The following SCAPER variants were observed in gnomAD, a reference collection of about 807,000 sequenced individuals.
SCAPER encodes the protein S-phase cyclin A associated protein in the ER, also known as S phase cyclin A-associated protein in the endoplasmic reticulum.
SCAPER carries 98 observed loss-of-function variants against 182.2 expected under a neutral mutation model. The ratio of observed to expected loss-of-function variants is 0.54; its 90% CI spans 0.46 to 0.64. SCAPER has a LOEUF of 0.64. Among genes scored for constraint, SCAPER ranks in the 30% least tolerant of loss-of-function variants. SCAPER has a pLI of 0.00. For synonymous variants in SCAPER, 605 were observed against 564.6 expected (o/e 1.07, Z -1.01); for missense variants, 1,432 against 1,690.0 (o/e 0.85, Z 2.68).
chr15:76,535,564 T>C (rs1171838599), intron 23 of SCAPER, among the ~76,000 whole-genome samples: 1 of 145,888 alleles, frequency 6.9e-6, no homozygotes, highest in Non-Finnish European at 1.5e-5. Flanking sequence ...CTAATTTTAA[T>C]CTTTTCTGTA....
intron 24 of SCAPER, among the ~76,000 whole-genome samples, chr15:76,477,929 T>C (rs1280187584): frequency 6.6e-6 from 1 of 152,002 alleles, no homozygotes; most frequent in East Asian, 1.9e-4. Flanking sequence ...AGTTTATTGC[T>C]ATCTTAATTT....
At chr15:76,799,475 C>T (rs1451888822) in intron 7 of SCAPER, among the ~76,000 whole-genome samples, 1 of 151,154 alleles carries the variant, frequency 6.6e-6, no homozygotes, top group Non-Finnish European at 1.5e-5. Context: ...TTTTGCCAGG[C>T]TGGTCTCAAA....
At chr15:76,469,342 A>G (rs1375781898) in intron 25 of SCAPER, among the ~76,000 whole-genome samples, 1 of 152,200 alleles carries the variant, frequency 6.6e-6, no homozygotes, top group Non-Finnish European at 1.5e-5. Flanking sequence ...GTAAACAAAT[A>G]TGTTGCAAAA....
chr15:76,561,792 C>G (rs896853081), intron 23 of SCAPER, among the ~76,000 whole-genome samples: 4 of 150,830 alleles, frequency 2.7e-5, no homozygotes, highest in Non-Finnish European at 5.9e-5. Flanking sequence ...TCACTGAAAC[C>G]TTTGCTTCCC....
intron 8 of SCAPER, among the ~76,000 whole-genome samples, chr15:76,775,537 G>C (rs1038229800): frequency 1.3e-5 from 2 of 152,084 alleles, no homozygotes; most frequent in South Asian, 2.1e-4. Context: ...ATCACGCACA[G>C]AGTAAAGGTA....
intron 5 of SCAPER, among the ~76,000 whole-genome samples, chr15:76,815,108 T>C (rs2066958922): frequency 6.6e-6 from 1 of 152,084 alleles, no homozygotes; most frequent in South Asian, 2.1e-4. Flanking sequence ...AGATAAGAGA[T>C]AATAACAACT....
At chr15:76,714,507 T>C (rs952028972) in intron 17 of SCAPER, among the ~76,000 whole-genome samples, 4 of 150,454 alleles carry the variant, frequency 2.7e-5, no homozygotes, top group Non-Finnish European at 5.9e-5. Flanking sequence ...GTGTAAAAAA[T>C]GTGATTACCA....
chr15:76,759,038 C>A (rs1282118979), intron 14 of SCAPER, among the ~76,000 whole-genome samples: 3 of 152,086 alleles, frequency 2.0e-5, no homozygotes, highest in Admixed American at 2.0e-4. Flanking sequence ...GATAATTTTA[C>A]TTCTTTCCCT....
intron 20 of SCAPER, among the ~76,000 whole-genome samples, chr15:76,697,003 T>C (rs2585730): frequency 0.14 from 21,155 of 152,116 alleles, 1,555 homozygotes; most frequent in African/African-American, 0.19. Context: ...AAACAAAATG[T>C]GTCAAAGATC....
chr15:76,737,156 G>A (rs1293607531), intron 15 of SCAPER, among the ~76,000 whole-genome samples: 2 of 152,112 alleles, frequency 1.3e-5, no homozygotes, highest in Non-Finnish European at 2.9e-5. Flanking sequence ...AATTTCCTTT[G>A]CCCAGATCCA....
At chr15:76,876,558 A>G (rs2073177696) in intron 2 of SCAPER, among the ~76,000 whole-genome samples, 1 of 152,210 alleles carries the variant, frequency 6.6e-6, no homozygotes, top group Non-Finnish European at 1.5e-5. Context: ...AGGAATACTA[A>G]GCTGATTTAA....
rs1350474365 is a variant in SCAPER at position 76,734,929 on chromosome 15, T to C, written c.1867-1545A>G. Among the ~76,000 whole-genome samples, 6 of 152,270 alleles carry C rather than the reference T, an allele frequency of 3.9e-5. No individual in the cohort carries two copies. In the East Asian group the frequency reaches 9.6e-4, roughly 24 times the overall value. ...AACAAGTATGCTCAAGGAAACTTTATTCAGACTATATCATAAACATAATCA... is the reference window on the plus strand; with the variant it reads ...AACAAGTATGCTCAAGGAAACTTTACTCAGACTATATCATAAACATAATCA... On this transcript the variant is annotated intron_variant, in intron 15 of 31. Transcript: ENST00000563290.
intron 25 of SCAPER, among the ~76,000 whole-genome samples, chr15:76,458,407 TAC>T (rs370347652): frequency 1.0e-3 from 155 of 151,094 alleles, no homozygotes; most frequent in African/African-American, 1.4e-3. Flanking sequence ...AATACAAACA[TAC>T]ACACACACAC....
At chr15:76,404,744 G>A in intron 26 of SCAPER, 65 bp from the exon 27 acceptor site, 1 of 1,522,106 alleles carries the variant, frequency 6.6e-7, no homozygotes, top group African/African-American at 1.4e-5. Context: ...CACCTTCAAT[G>A]ATAAATGCTA....
intron 16 of SCAPER, among the ~76,000 whole-genome samples, chr15:76,729,289 T>TACACAC (rs1166540568): frequency 2.9e-5 from 3 of 101,744 alleles, no homozygotes; most frequent in African/African-American, 1.4e-4. Flanking sequence ...CACATATATA[T>TACACAC]ACACATACAC....
At chr15:76,769,150 A>G (rs1357570218) in intron 10 of SCAPER, among the ~76,000 whole-genome samples, 1 of 152,110 alleles carries the variant, frequency 6.6e-6, no homozygotes, top group Non-Finnish European at 1.5e-5. Flanking sequence ...ACAAGAAAAA[A>G]ACAAACAACC....
intron 21 of SCAPER, among the ~76,000 whole-genome samples, chr15:76,625,294 A>T (rs1053391251): frequency 6.6e-6 from 1 of 152,070 alleles, no homozygotes; most frequent in African/African-American, 2.4e-5. Flanking sequence ...ACTACTAGGG[A>T]GAATGAGGTT....
intron 15 of SCAPER, among the ~76,000 whole-genome samples, chr15:76,743,692 A>T (rs1298537457): frequency 6.6e-6 from 1 of 152,166 alleles, no homozygotes; most frequent in Non-Finnish European, 1.5e-5. Context: ...GTATTAGAAG[A>T]ATCAGTATCA....
intron 5 of SCAPER, among the ~76,000 whole-genome samples, chr15:76,814,588 T>G (rs1169822346): frequency 1.3e-5 from 2 of 152,276 alleles, no homozygotes; most frequent in East Asian, 3.9e-4. Flanking sequence ...GACCCTTATC[T>G]TACACCATAC....
Sources: allele counts gnomAD v4.1 joint callset (sites outside exome capture counted in the v4.1 genomes callset), GRCh38; gene constraint gnomAD v4.1.1; transcripts MANE v1.5; gene names NCBI Gene and HGNC (gene_info 2026-07-23, HGNC 2026-07-21).